MYO15A: variants seen among roughly 807,000 people sequenced by gnomAD.
MYO15A encodes the protein myosin XVA.
A neutral mutation model predicts 394.6 loss-of-function variants in MYO15A; 308 were observed. The observed-to-expected ratio is 0.78, with a 90% CI of 0.71 to 0.86. MYO15A has a LOEUF of 0.86. Among genes scored for constraint, MYO15A ranks in the 40% least tolerant of loss-of-function variants. The probability of loss-of-function intolerance (pLI) is 0.00; values close to 1 mark genes in which losing one functional copy is unlikely to be tolerated. For missense variants in MYO15A, 4,606 were observed against 4,799.1 expected (o/e 0.96, Z 1.19); for synonymous variants, 1,957 against 2,003.8 (o/e 0.98, Z 0.62).
chr17:18,151,314 G>T, intron 39 of MYO15A, 24 bp downstream of exon 39: 1 of 1,614,174 alleles, frequency 6.2e-7, no homozygotes, highest in South Asian at 1.1e-5. Context: ...CCCAGCCTCT[G>T]GGGCTTCCCA....
chr17:18,171,748 A>T lies in MYO15A; in HGVS notation c.10193A>T (p.His3398Leu), dbSNP rs1034282820. The change falls in exon 63 of 66, where the codon CAC becomes CTC. Residue 3398 changes from histidine to leucine, a missense_variant. By Grantham distance (99) the His-to-Leu change is moderately conservative (BLOSUM62 -3). Around this residue, in one of 2 missense-constraint regions of MYO15A, gnomAD observed 2,776 missense variants for 3,109.3 expected, o/e 0.89. Transcript: ENST00000647165. ...CAGCAGACACAGGCGCTCAGCCCCCACCAGGCCCGTGCCCAGTTTCTGGGT... is the reference window on the plus strand; with the variant it reads ...CAGCAGACACAGGCGCTCAGCCCCCTCCAGGCCCGTGCCCAGTTTCTGGGT... ...HRQQTQALSP[H>L]QARAQFLGLL... 25 of 1,611,090 alleles carry T rather than the reference A, an allele frequency of 1.6e-5. No individual in the cohort carries two copies. Among genetic ancestry groups the T allele is most frequent in the Non-Finnish European group, 2.0e-5 (24 of 1,179,880 alleles).
chr17:18,126,511 T>G (rs2046045301), intron 5 of MYO15A, 55 bp downstream of exon 5: 1 of 1,521,044 alleles, frequency 6.6e-7, no homozygotes, highest in East Asian at 2.3e-5. Context: ...TTTCCCCTGC[T>G]CTGGGAGCCT....
intron 7 of MYO15A, among the ~76,000 whole-genome samples, chr17:18,130,345 G>A (rs146234625): frequency 2.0e-5 from 3 of 151,460 alleles, no homozygotes; most frequent in Non-Finnish European, 1.5e-5. Flanking sequence ...AAAATAGAGA[G>A]TTTGCCAATG....
chr17:18,143,448 A>G (rs1448917858), intron 25 of MYO15A, 118 bp from the exon 26 acceptor site: 1 of 1,187,302 alleles, frequency 8.4e-7, no homozygotes, highest in African/African-American at 1.5e-5. Flanking sequence ...TCCACACAAC[A>G]GGCAAGCTGC....
Position 18,132,350 on chromosome 17 carries a change from C to A in MYO15A, c.4207-103C>A. On this transcript the variant is annotated intron_variant, in intron 10 of 65. Transcript: ENST00000647165. The surrounding 1 kb of genome is among the most constrained non-coding windows in gnomAD (Gnocchi z 4.6). ...GGCGCGTGTTCTCATCTGCAGCCCA[C>A]TGTGTGCATGTGCACTTGTGGGCAG... The A allele has an allele frequency of 1.1e-6, 1 of 894,030 alleles. No individual in the cohort carries two copies. Among genetic ancestry groups the A allele is most frequent in the Non-Finnish European group, 1.8e-6 (1 of 544,004 alleles). 55.4% of individuals were successfully genotyped at this position (894,030 alleles called of 1,614,324 possible). A position where few individuals can be genotyped will look rare whatever the true frequency, so the allele number is the denominator to read the frequency against.
chr17:18,157,465 T>C, intron 50 of MYO15A: 2 of 885,166 alleles, frequency 2.3e-6, no homozygotes, highest in Non-Finnish European at 1.7e-6. Context: ...TCTCTCTTTA[T>C]GTCTCCACAT....
At chr17:18,139,716 G>A (rs1033054383) in intron 19 of MYO15A, 105 bp downstream of exon 19, 18 of 1,347,754 alleles carry the variant, frequency 1.3e-5, no homozygotes, top group African/African-American at 1.0e-4. Context: ...TCCTGGCTCC[G>A]CTTAGCTTTG....
intron 38 of MYO15A, 55 bp from the exon 39 acceptor site, chr17:18,151,055 A>G: frequency 6.2e-7 from 1 of 1,611,900 alleles, no homozygotes; most frequent in Non-Finnish European, 8.5e-7. Context: ...CTGGAGTCCC[A>G]GAGAGCAGCC....
intron 25 of MYO15A, 128 bp from the exon 26 acceptor site, chr17:18,143,438 T>A: frequency 1.8e-6 from 2 of 1,095,516 alleles, no homozygotes; most frequent in Non-Finnish European, 2.7e-6. Flanking sequence ...GGCAGTCACC[T>A]CCACACAACA....
At chr17:18,111,341 G>GAAAAAAAAAAAAAAAAAAAAAAAAAAAA (rs57095827) in intron 1 of MYO15A, among the ~76,000 whole-genome samples, 1 of 118,948 alleles carries the variant, frequency 8.4e-6, no homozygotes. Context: ...TCTCAAAAGA[G>GAAAAAAAAAAAAAAAAAAAAAAAAAAAA]AAAAAAAAAA....
At chr17:18,165,093 A>G (rs2046834811) in intron 60 of MYO15A, 1 of 145,932 alleles carries the variant, frequency 6.9e-6, no homozygotes, top group South Asian at 2.1e-4. Context: ...CTCCATCTCA[A>G]AAAAAAAAAA....
intron 1 of MYO15A, among the ~76,000 whole-genome samples, chr17:18,113,788 A>T (rs1477529484): frequency 8.3e-6 from 1 of 120,140 alleles, no homozygotes; most frequent in African/African-American, 3.5e-5. Flanking sequence ...TATTCTTAGC[A>T]CCTCCCCTGA....
In MYO15A at chr17:18,143,867, C is replaced by T; in HGVS notation, c.6047-3C>T. On this transcript the variant is annotated splice_polypyrimidine_tract_variant and splice_region_variant and intron_variant, in intron 27 of 65. Transcript: ENST00000647165. Reference sequence around the variant, plus strand: ...GGCACCGCATTCCCTCCTCTTTCCACAGGCCTCGGGCTGGCCCAGGTGCCT... The same window carrying T: ...GGCACCGCATTCCCTCCTCTTTCCATAGGCCTCGGGCTGGCCCAGGTGCCT... 1 of 1,578,688 alleles carries T rather than the reference C, an allele frequency of 6.3e-7. No homozygotes were observed. The highest frequency in any genetic ancestry group is 8.6e-7 in the Non-Finnish European group (1 of 1,161,150).
Position 18,137,605 on chromosome 17 carries a change from G to A in MYO15A, c.4801G>A (p.Glu1601Lys). The A allele has an allele frequency of 6.2e-7, 1 of 1,613,982 alleles. No individual in the cohort carries two copies. Among genetic ancestry groups the A allele is most frequent in the Non-Finnish European group, 8.5e-7 (1 of 1,180,016 alleles). The change falls in exon 16 of 66, where the codon GAG becomes AAG. Residue 1601 changes from glutamate to lysine, a missense_variant. Physicochemically the swap from Glu to Lys is moderately conservative, Grantham distance 56 (BLOSUM62 1). This residue lies in a region of MYO15A where 2,776 missense variants were observed against 3,109.3 expected (regional missense o/e 0.89). Transcript: ENST00000647165. ...GFEDLSFNSF[E>K]QLCINYANEN... ...GCAGGACCTGAGCTTCAACAGCTTT[G>A]AGCAGCTGTGTATTAACTACGCAAA...
At chr17:18,156,038 G>A in intron 47 of MYO15A, 157 bp from the exon 48 acceptor site, 1 of 1,131,940 alleles carries the variant, frequency 8.8e-7, no homozygotes, top group Non-Finnish European at 1.3e-6. Flanking sequence ...GGGTCAGAGA[G>A]GGGAAGCAGG....
intron 19 of MYO15A, 178 bp from the exon 20 acceptor site, chr17:18,140,339 G>A: frequency 2.4e-6 from 2 of 848,002 alleles, no homozygotes; most frequent in Admixed American, 2.2e-5. Context: ...AAGATGCTGA[G>A]CCCCACCTGT....
Position 18,159,676 on chromosome 17 carries a change from G to A in MYO15A, c.9300G>A (p.Leu3100=). ...ACCTGGACGTGCTTTGTAACCTCCT[G>A]AAGGTCAGTCCAGCCAACTTTGCCA... ...QSDLDVLCNL[L]KLCGDHEVMR... is the part of the protein sequence containing the mutation. Residue 3100 remains leucine, a synonymous_variant, in exon 55 of 66, where the codon CTG becomes CTA. Coordinates refer to ENST00000647165, the MANE Select transcript of MYO15A (RefSeq NM_016239.4). The A allele has an allele frequency of 6.2e-7, 1 of 1,614,138 alleles. No individual in the cohort carries two copies. The highest frequency in any genetic ancestry group is 8.5e-7 in the Non-Finnish European group (1 of 1,179,998).
At chr17:18,146,599 C>T (rs1328551637) in intron 30 of MYO15A, among the ~76,000 whole-genome samples, 10 of 152,182 alleles carry the variant, frequency 6.6e-5, no homozygotes, top group Non-Finnish European at 2.9e-5. Flanking sequence ...CATGCTCAGG[C>T]ATGAGATGTG....
At position 18,169,157 on chromosome 17, in the gene MYO15A, T is replaced by TAAAAAA. The variant is rs1555548316; in HGVS notation, c.10082+1439_10082+1440insAAAAAA. Among the ~76,000 whole-genome samples, 35 of 92,132 alleles carry TAAAAAA rather than the reference T, an allele frequency of 3.8e-4. No homozygotes were observed. In the East Asian group the frequency reaches 4.0e-3, roughly 10 times the overall value. The allele number at this position is 92,132 out of a possible 152,430, so 60.4% of individuals were successfully genotyped here. ...ATAATAATAATAATAATAATAATAA[T>TAAAAAA]AAAAATAGGCTGGGCACAGTGGCTC... On this transcript the variant is annotated intron_variant, in intron 62 of 65. Transcript: ENST00000647165.
Sources: gnomAD v4.1 joint callset for allele counts (sites outside exome capture counted in the v4.1 genomes callset) on GRCh38, gnomAD v4.1.1 for gene constraint, gnomAD v4.1.1 regional missense constraint, Gnocchi (gnomAD v3.1) non-coding constraint, MANE v1.5 for transcripts, NCBI Gene and HGNC (gene_info 2026-07-23, HGNC 2026-07-21) for gene names.